The following STYX variants were observed in gnomAD, a reference collection of about 807,000 sequenced individuals.
STYX encodes the protein serine/threonine/tyrosine-interacting protein.
In STYX, 20 loss-of-function variants were observed where a neutral mutation model predicts 42.7. The ratio of observed to expected loss-of-function variants is 0.47; its 90% CI spans 0.33 to 0.68. STYX has a LOEUF of 0.68. STYX is among the 30% of genes least tolerant of loss of function. The pLI is 0.02. For missense variants in STYX, 226 were observed against 268.5 expected (o/e 0.84, Z 1.11); for synonymous variants, 78 against 81.9 (o/e 0.95, Z 0.26).
Position 52,774,635 on chromosome 14 carries a change from C to CA in STYX, c.*3534dup, listed in dbSNP as rs1882648724. The CA allele has an allele frequency of 7.4e-6, 1 of 134,820 alleles. No individual in the cohort carries two copies. Among genetic ancestry groups the CA allele is most frequent in the African/African-American group, 2.8e-5 (1 of 35,920 alleles). The allele number at this position is 134,820 out of a possible 1,614,324, so 8.4% of individuals were successfully genotyped here. On this transcript the variant is annotated 3_prime_UTR_variant, in exon 11 of 11. Transcript: ENST00000354586. ...TCTTTCCCATCTGTGGCAGCTAAAACAAAAATCACTCAAAATATTCAGGTT... is the reference window on the plus strand; with the variant it reads ...TCTTTCCCATCTGTGGCAGCTAAAACAAAAAATCACTCAAAATATTCAGGTT...
rs1213602400 is a variant in STYX, at chr14:52,773,129, T to A, written c.*2023T>A. On this transcript the variant is annotated 3_prime_UTR_variant, in exon 11 of 11. Coordinates refer to ENST00000354586, the MANE Select transcript of STYX (RefSeq NM_145251.4). ...AAAACTTGTTTCATAAATATACATATATCCTCTCTAGTAGTCTGGCCAAAA... is the reference window on the plus strand; with the variant it reads ...AAAACTTGTTTCATAAATATACATAAATCCTCTCTAGTAGTCTGGCCAAAA... 1 of 152,120 alleles carries A rather than the reference T, an allele frequency of 6.6e-6. No homozygotes were observed. The highest frequency in any genetic ancestry group is 2.4e-5 in the African/African-American group (1 of 41,436). 9.4% of individuals were successfully genotyped at this position (152,120 alleles called of 1,614,324 possible). A position where few individuals can be genotyped will look rare whatever the true frequency, so the allele number is the denominator to read the frequency against.
chr14:52,765,072 C>G (rs145383384), intron 9 of STYX, among the ~76,000 whole-genome samples: 277 of 152,236 alleles, frequency 1.8e-3, no homozygotes, highest in African/African-American at 6.3e-3. Flanking sequence ...AAACTATATT[C>G]CCATGGAAAC....
chr14:52,739,180 TA>T (rs1268393887), intron 1 of STYX, among the ~76,000 whole-genome samples: 2 of 152,076 alleles, frequency 1.3e-5, no homozygotes, highest in Non-Finnish European at 2.9e-5. Context: ...ATACACATAA[TA>T]AATTTGTATA....
At chr14:52,757,986 G>A in intron 8 of STYX, 62 bp downstream of exon 8, 1 of 1,556,254 alleles carries the variant, frequency 6.4e-7, no homozygotes, top group South Asian at 1.2e-5. Flanking sequence ...AACTTAATGG[G>A]AATAGTTTGG....
At chr14:52,767,962 TA>T (rs1246773668) in intron 9 of STYX, among the ~76,000 whole-genome samples, 1 of 152,170 alleles carries the variant, frequency 6.6e-6, no homozygotes, top group Non-Finnish European at 1.5e-5. Context: ...TTACCATACT[TA>T]AACAGCCTGC....
Position 52,744,855 on chromosome 14 carries a change from T to C in STYX, c.61T>C (p.Trp21Arg). 1 of 1,613,370 alleles carries C rather than the reference T, an allele frequency of 6.2e-7. No homozygotes were observed. The highest frequency in any genetic ancestry group is 8.5e-7 in the Non-Finnish European group (1 of 1,179,766). The change falls in exon 2 of 11, where the codon TGG becomes CGG. Residue 21 changes from tryptophan (W) to arginine (R), a missense_variant. Trp to Arg is a moderately radical substitution (Grantham distance 101). Transcript: ENST00000354586. The stretch of plus-strand genomic sequence containing the variant: ...ATTCTTATGTTTTCCTTCCCAGGAG[T>C]GGACCTACCCTATGAGACGAGAGAT... Reference protein sequence around the residue: ...LPQCKEDAEEWTYPMRREMQE... With the variant: ...LPQCKEDAEERTYPMRREMQE...
Position 52,773,919 on chromosome 14 carries a change from G to A in STYX, c.*2813G>A, listed in dbSNP as rs1005885750. ...TTCCAACATTAAAAGTGTAATCTGG[G>A]CCCATAATTTATAGTGAAATTGTAT... is the stretch of plus-strand genomic sequence containing the variant. On this transcript the variant is annotated 3_prime_UTR_variant, in exon 11 of 11. Coordinates refer to ENST00000354586, the MANE Select transcript of STYX (RefSeq NM_145251.4). 11 of 152,050 alleles carry A rather than the reference G, an allele frequency of 7.2e-5. No individual in the cohort carries two copies. Among genetic ancestry groups the A allele is most frequent in the African/African-American group, 2.4e-4 (10 of 41,376 alleles). 9.4% of individuals were successfully genotyped at this position (152,050 alleles called of 1,614,324 possible).
chr14:52,739,825 G>A (rs1451832880), intron 1 of STYX, among the ~76,000 whole-genome samples: 1 of 151,356 alleles, frequency 6.6e-6, no homozygotes, highest in Non-Finnish European at 1.5e-5. Flanking sequence ...TTTAATTTTT[G>A]TAGAGATGAG....
intron 4 of STYX, 45 bp from the exon 5 acceptor site, chr14:52,756,506 G>T (rs750894713): frequency 2.7e-6 from 3 of 1,092,482 alleles, no homozygotes; most frequent in Non-Finnish European, 4.0e-6. Flanking sequence ...AGTACCTTAA[G>T]TGTTTTACTT....
At chr14:52,739,651 T>C (rs1881106675) in intron 1 of STYX, among the ~76,000 whole-genome samples, 1 of 143,852 alleles carries the variant, frequency 7.0e-6, no homozygotes, top group South Asian at 2.3e-4. Flanking sequence ...TTTTTTTTTT[T>C]TTTTCGTTGA....
intron 1 of STYX, among the ~76,000 whole-genome samples, chr14:52,744,050 C>T (rs911821002): frequency 6.6e-6 from 1 of 152,192 alleles, no homozygotes; most frequent in Non-Finnish European, 1.5e-5. Flanking sequence ...TCTCAAACTC[C>T]TGAGCTCAAG....
At chr14:52,766,231 A>C (rs889873043) in intron 9 of STYX, among the ~76,000 whole-genome samples, 1 of 152,050 alleles carries the variant, frequency 6.6e-6, no homozygotes, top group Non-Finnish European at 1.5e-5. Flanking sequence ...CAATGGGGCA[A>C]TCTTGGCTCA....
At chr14:52,744,732 A>C in intron 1 of STYX, 120 bp from the exon 2 acceptor site, 2 of 878,940 alleles carry the variant, frequency 2.3e-6, no homozygotes, top group Non-Finnish European at 3.5e-6. Context: ...TTTTAATAAA[A>C]TGTTCTTAAA....
intron 4 of STYX, among the ~76,000 whole-genome samples, chr14:52,756,203 A>G (rs1881860150): frequency 6.6e-6 from 1 of 152,212 alleles, no homozygotes; most frequent in Admixed American, 6.5e-5. Flanking sequence ...TTCTGTAGAG[A>G]TGGAGTCTCC....
rs879830959 is a variant in STYX at position 52,730,220 on chromosome 14, C to T, written c.-255C>T. 10 of 560,454 alleles carry T rather than the reference C, an allele frequency of 1.8e-5. No homozygotes were observed. The highest frequency in any genetic ancestry group is 6.4e-5 in the Admixed American group (2 of 31,476). The allele number at this position is 560,454 out of a possible 1,614,324, so 34.7% of individuals were successfully genotyped here. A position where few individuals can be genotyped will look rare whatever the true frequency, so the allele number is the denominator to read the frequency against. Reference sequence around the variant, plus strand: ...CTGGGCGGCCTGAGGGGTACGGAGACTCTGGGGGAGGGAGACGGCAGCGGC... The same window carrying T: ...CTGGGCGGCCTGAGGGGTACGGAGATTCTGGGGGAGGGAGACGGCAGCGGC... On this transcript the variant is annotated 5_prime_UTR_variant, in exon 1 of 11. Transcript: ENST00000354586.
chr14:52,755,371 C>T (rs908430805), intron 4 of STYX, among the ~76,000 whole-genome samples: 1 of 152,104 alleles, frequency 6.6e-6, no homozygotes, highest in Non-Finnish European at 1.5e-5. Flanking sequence ...AATCCACCTG[C>T]CTCGGCTTCC....
chr14:52,744,104 A>G (rs1881305917), intron 1 of STYX, among the ~76,000 whole-genome samples: 1 of 152,214 alleles, frequency 6.6e-6, no homozygotes, highest in Non-Finnish European at 1.5e-5. Context: ...GATTACAGAC[A>G]TGAGCCACAG....
rs1882019373 is a variant in STYX at position 52,759,759 on chromosome 14, CTT to C, written c.504+8_504+9del. The C allele has an allele frequency of 3.1e-6, 5 of 1,592,186 alleles. No homozygotes were observed. Among genetic ancestry groups the C allele is most frequent in the Non-Finnish European group, 4.3e-6 (5 of 1,162,098 alleles). On this transcript the variant is annotated splice_donor_region_variant and intron_variant, in intron 9 of 10. Transcript: ENST00000354586. ...GGATTTGTCCATCAACTTCAGGTAACTTTTCTTCCTCTTTAAGGCAATCAGAA... is the reference window on the plus strand; with the variant it reads ...GGATTTGTCCATCAACTTCAGGTAACTTCTTCCTCTTTAAGGCAATCAGAA...
At chr14:52,733,181 C>G (rs955931081) in intron 1 of STYX, among the ~76,000 whole-genome samples, 1 of 152,160 alleles carries the variant, frequency 6.6e-6, no homozygotes, top group Admixed American at 6.5e-5. Flanking sequence ...TCAATTCTTC[C>G]CTGCCCTAAT....
Sources: gnomAD v4.1 joint callset for allele counts (sites outside exome capture counted in the v4.1 genomes callset) on GRCh38, gnomAD v4.1.1 for gene constraint, MANE v1.5 for transcripts, NCBI Gene and HGNC (gene_info 2026-07-23, HGNC 2026-07-21) for gene names.